Variants in TRIM37 observed in about 807,000 individuals in gnomAD.
TRIM37 encodes the protein tripartite motif containing 37.
In TRIM37, 80 loss-of-function variants were observed where a neutral mutation model predicts 129.8. The ratio of observed to expected loss-of-function variants is 0.62; its 90% confidence interval spans 0.51 to 0.74. The LOEUF is 0.74. Ranked by LOEUF, TRIM37 falls within the 30% of genes least tolerant of loss-of-function variation. The probability of loss-of-function intolerance (pLI) is 0.00; values close to 1 mark genes in which losing one functional copy is unlikely to be tolerated. For synonymous variants in TRIM37, 389 were observed against 387.1 expected, an observed-to-expected ratio of 1.00 and a Z score of -0.06; for missense variants, 1,054 against 1,176.5, an observed-to-expected ratio of 0.90 and a Z score of 1.52.
intron 9 of TRIM37, among the ~76,000 whole-genome samples, chr17:59,066,914 T>C (rs2041960008): frequency 6.6e-6 from 1 of 152,262 alleles, no homozygotes; most frequent in Non-Finnish European, 1.5e-5. Flanking sequence ...ATAGCTGGCA[T>C]ATATTCACTG....
At chr17:59,061,249 T>G (rs1191728111) in intron 11 of TRIM37, 141 bp from the exon 12 acceptor site, 1 of 705,920 alleles carries the variant, frequency 1.4e-6, no homozygotes, top group Non-Finnish European at 2.5e-6. Context: ...CCAATAGATT[T>G]GAGTTCTTAA....
intron 3 of TRIM37, 98 bp from the exon 4 acceptor site, chr17:59,088,505 T>C (rs1415078337): frequency 2.5e-6 from 2 of 796,526 alleles, no homozygotes; most frequent in Admixed American, 2.0e-5. Flanking sequence ...ATAATACTCA[T>C]ACCATAACAC....
chr17:58,972,486 G>A, the TRIM37 span, among the ~76,000 whole-genome samples: 1 of 152,126 alleles, frequency 6.6e-6, no homozygotes, highest in Non-Finnish European at 1.5e-5. Flanking sequence ...GAGTAGCTGG[G>A]ATTACAGGCA....
In TRIM37 at chr17:59,012,230, C is replaced by CAGCAGCAGCAGCAGCAG. The variant is rs11280877; in HGVS notation, c.2695+97_2695+98insCTGCTGCTGCTGCTGCT. 514 of 383,504 alleles carry CAGCAGCAGCAGCAGCAG rather than the reference C, an allele frequency of 1.3e-3. 3 individuals are homozygous for CAGCAGCAGCAGCAGCAG. In the African/African-American group the frequency reaches 0.027, roughly 20 times the overall value. 23.8% of individuals were successfully genotyped at this position (383,504 alleles called of 1,614,324 possible). Reference sequence around the variant, plus strand: ...ATCACTACCACCAGCAGCAGCAGCACCACCACCACCACCACCACCACCACC... The same window carrying CAGCAGCAGCAGCAGCAG: ...ATCACTACCACCAGCAGCAGCAGCACAGCAGCAGCAGCAGCAGCACCACCACCACCACCACCACCACC... On this transcript the variant is annotated intron_variant, in intron 22 of 23. Transcript: ENST00000262294.
chr17:59,062,690 G>A, intron 10 of TRIM37, 42 bp from the exon 11 acceptor site: 3 of 1,543,552 alleles, frequency 1.9e-6, no homozygotes, highest in Admixed American at 1.7e-5. Flanking sequence ...GATCAAAACT[G>A]TTGTGAAATG....
chr17:58,991,282 T>C (rs1266967911), intron 24 of TRIM37, among the ~76,000 whole-genome samples: 2 of 151,070 alleles, frequency 1.3e-5, no homozygotes, highest in African/African-American at 4.9e-5. Context: ...ATGCCTGTAA[T>C]CCCAGCAATT....
intron 3 of TRIM37, 146 bp downstream of exon 3, chr17:59,091,154 T>G: frequency 2.7e-6 from 1 of 363,652 alleles, no homozygotes. Flanking sequence ...CATTTCTTTT[T>G]CTAGTCAAAT....
chr17:59,065,659 T>A (rs895231433), intron 9 of TRIM37, among the ~76,000 whole-genome samples: 1 of 152,218 alleles, frequency 6.6e-6, no homozygotes, highest in Admixed American at 6.5e-5. Flanking sequence ...AAATTTGATA[T>A]ATAAAATTAC....
chr17:59,083,314 T>C (rs916188106), intron 5 of TRIM37, among the ~76,000 whole-genome samples: 2 of 151,906 alleles, frequency 1.3e-5, no homozygotes, highest in African/African-American at 4.8e-5. Flanking sequence ...GGCACATGCC[T>C]GTAATCCTAG....
intron 18 of TRIM37, among the ~76,000 whole-genome samples, chr17:59,030,267 G>A (rs920860784): frequency 7.2e-5 from 11 of 152,182 alleles, no homozygotes; most frequent in East Asian, 3.9e-4. Flanking sequence ...CACAATGGCC[G>A]GCTAATTTTT....
intron 10 of TRIM37, chr17:59,064,085 G>A (rs563672797): frequency 5.6e-6 from 2 of 357,178 alleles, no homozygotes; most frequent in East Asian, 5.8e-5. Context: ...CAATGATCAC[G>A]CCACTGCACT....
chr17:59,032,528 T>G, intron 17 of TRIM37, among the ~76,000 whole-genome samples: 1 of 78,910 alleles, frequency 1.3e-5, no homozygotes, highest in East Asian at 3.9e-4. Flanking sequence ...CGAGACTCCG[T>G]CTCAAAAAAA....
At chr17:59,028,376 T>C in intron 19 of TRIM37, 39 bp downstream of exon 19, 1 of 1,587,432 alleles carries the variant, frequency 6.3e-7, no homozygotes, top group Non-Finnish European at 8.6e-7. Flanking sequence ...GTTTCCCAAA[T>C]AACGTGTGGA....
chr17:59,081,540 G>C (rs1409686600), intron 5 of TRIM37, among the ~76,000 whole-genome samples: 3 of 152,106 alleles, frequency 2.0e-5, no homozygotes, highest in Non-Finnish European at 2.9e-5. Flanking sequence ...TCTTCTCTAA[G>C]GCAAACTAGT....
At chr17:58,986,418 C>T (rs1257442998) in intron 24 of TRIM37, among the ~76,000 whole-genome samples, 2 of 150,620 alleles carry the variant, frequency 1.3e-5, no homozygotes, top group Admixed American at 6.6e-5. Context: ...AGGCTGGTCT[C>T]GAACTCCTGA....
At chr17:59,004,240 A>C (rs2034173997) in intron 22 of TRIM37, among the ~76,000 whole-genome samples, 1 of 152,178 alleles carries the variant, frequency 6.6e-6, no homozygotes, top group South Asian at 2.1e-4. Context: ...AAAAGTTGAA[A>C]ATTTTGTAGA....
At chr17:59,013,451 A>G (rs2035549702) in intron 21 of TRIM37, among the ~76,000 whole-genome samples, 1 of 151,924 alleles carries the variant, frequency 6.6e-6, no homozygotes, top group Admixed American at 6.6e-5. Context: ...CTGGCCTGAG[A>G]GATATTATTG....
downstream of TRIM37, among the ~76,000 whole-genome samples, chr17:58,979,803 A>T (rs1038668676): frequency 2.0e-5 from 3 of 152,238 alleles, no homozygotes; most frequent in African/African-American, 7.2e-5. Context: ...AGCAGATCTG[A>T]TTACCAGAGA....
At chr17:59,011,674 G>A (rs573975244) in intron 22 of TRIM37, among the ~76,000 whole-genome samples, 2 of 152,218 alleles carry the variant, frequency 1.3e-5, no homozygotes, top group African/African-American at 4.8e-5. Flanking sequence ...TATGCTTTTA[G>A]ATAAACAATA....
Sources: gnomAD v4.1 joint callset for allele counts (sites outside exome capture counted in the v4.1 genomes callset) on GRCh38, gnomAD v4.1.1 for gene constraint, MANE v1.5 for transcripts, NCBI Gene and HGNC (gene_info 2026-07-23, HGNC 2026-07-21) for gene names.